EPM2A: variants seen among roughly 807,000 people sequenced by gnomAD.
EPM2A encodes laforin.
A neutral mutation model predicts 26.5 loss-of-function variants in EPM2A; 21 were observed. The ratio of observed to expected loss-of-function variants is 0.79; its 90% CI spans 0.56 to 1.14. The LOEUF is 1.14. Ranked by LOEUF, EPM2A falls within the 50% of genes most tolerant of loss-of-function variation. The probability of loss-of-function intolerance (pLI) is 0.00; values close to 1 mark genes in which losing one functional copy is unlikely to be tolerated. For synonymous variants in EPM2A, 217 were observed against 177.6 expected, an observed-to-expected ratio of 1.22 and a Z score of -1.76; for missense variants, 458 against 440.8, an observed-to-expected ratio of 1.04 and a Z score of -0.35.
intron 2 of EPM2A, among the ~76,000 whole-genome samples, chr6:145,684,243 G>A (rs1780755681): frequency 6.6e-6 from 1 of 152,038 alleles, no homozygotes. Flanking sequence ...AATATAAAAT[G>A]TAAATCCAAG....
rs534533205 is a variant in EPM2A at position 145,510,761 on chromosome 6, T to C, written c.341-8186A>G. Among the ~76,000 whole-genome samples, 5 of 151,860 alleles carry C rather than the reference T, an allele frequency of 3.3e-5. No homozygotes were observed. The South Asian group carries it at 1.0e-3, about 32-fold the overall frequency. On this transcript the variant is annotated intron_variant, in intron 2 of 3. Transcript: ENST00000450221. ...CTAGCAGAACAGAAACAACTAAAAT[T>C]AGAGCAGAACTAAATGAAATTCAGA...
intron 1 of EPM2A, among the ~76,000 whole-genome samples, chr6:145,712,044 C>A (rs1045696249): frequency 6.6e-6 from 1 of 152,078 alleles, no homozygotes; most frequent in African/African-American, 2.4e-5. Context: ...AGCAAGAACA[C>A]ACATCAAATT....
At chr6:145,485,195 T>C (rs906336274) in intron 4 of EPM2A, among the ~76,000 whole-genome samples, 3 of 151,352 alleles carry the variant, frequency 2.0e-5, no homozygotes, top group Non-Finnish European at 2.9e-5. Flanking sequence ...AATAGAAAAA[T>C]GTATAAAGCC....
At chr6:145,470,590 C>T (rs1256049829) in intron 4 of EPM2A, among the ~76,000 whole-genome samples, 1 of 152,064 alleles carries the variant, frequency 6.6e-6, no homozygotes, top group Non-Finnish European at 1.5e-5. Flanking sequence ...AAGAATAATG[C>T]TATTGAAGTA....
chr6:145,515,371 G>A (rs147786643), intron 2 of EPM2A, among the ~76,000 whole-genome samples: 2 of 152,266 alleles, frequency 1.3e-5, no homozygotes, highest in Admixed American at 6.5e-5. Flanking sequence ...GATCAGATTG[G>A]GGCCTCTCTT....
Position 145,708,222 on chromosome 6 carries a change from T to C in EPM2A, c.302-21926A>G, listed in dbSNP as rs552408914. Among the ~76,000 whole-genome samples the C allele has an allele frequency of 2.8e-3, 430 of 152,224 alleles. 1 individual carries two copies. Among genetic ancestry groups the C allele is most frequent in the Non-Finnish European group, 4.7e-3 (317 of 67,996 alleles). The stretch of plus-strand genomic sequence containing the variant: ...GAAAATTTGCAGCCTGATGATGCAA[T>C]AGAAAAGAAAAACGCATTTTCTGGG... On this transcript the variant is annotated intron_variant, in intron 1 of 3. Transcript: ENST00000367519.
chr6:145,391,510 A>C (rs1778336583), intron 4 of EPM2A, among the ~76,000 whole-genome samples: 1 of 152,118 alleles, frequency 6.6e-6, no homozygotes, highest in Non-Finnish European at 1.5e-5. Context: ...GCTTAGACAC[A>C]TGTGCCTGCC....
rs563439868 is a variant in EPM2A, at chr6:145,710,143, T to G, written c.302-23847A>C. Among the ~76,000 whole-genome samples the G allele has an allele frequency of 9.2e-5, 14 of 152,184 alleles. No individual in the cohort carries two copies. In the South Asian group the frequency reaches 1.0e-3, roughly 11 times the overall value. ...GGATCTAATTAAACTAAAGAGCTTC[T>G]GCACAGCAAAAGAAACTACCATCAG... On this transcript the variant is annotated intron_variant, in intron 1 of 3. Transcript: ENST00000367519.
intron 2 of EPM2A, among the ~76,000 whole-genome samples, chr6:145,508,036 T>C (rs1780003593): frequency 6.6e-6 from 1 of 152,112 alleles, no homozygotes; most frequent in African/African-American, 2.4e-5. Context: ...GAGAGGTGCA[T>C]AGCCTGCCAA....
At chr6:145,478,482 C>A (rs988883903) in intron 4 of EPM2A, among the ~76,000 whole-genome samples, 5 of 151,650 alleles carry the variant, frequency 3.3e-5, no homozygotes, top group Admixed American at 3.3e-4. Context: ...CTATCCTAAG[C>A]AAAAAGAACA....
intron 2 of EPM2A, among the ~76,000 whole-genome samples, chr6:145,549,243 A>C (rs1018120927): frequency 2.0e-5 from 3 of 152,274 alleles, no homozygotes; most frequent in African/African-American, 7.2e-5. Context: ...ATGTTAATCT[A>C]TCTGTTAAAG....
chr6:145,682,204 C>T (rs983197353), intron 2 of EPM2A, among the ~76,000 whole-genome samples: 1 of 152,124 alleles, frequency 6.6e-6, no homozygotes, highest in Non-Finnish European at 1.5e-5. Context: ...AAAGAGAGAG[C>T]ATGTGCAGGG....
chr6:145,397,153 C>T (rs182049799), intron 4 of EPM2A, among the ~76,000 whole-genome samples: 43 of 152,226 alleles, frequency 2.8e-4, no homozygotes, highest in African/African-American at 8.7e-4. Context: ...GTTACTGGCT[C>T]GGTTTGGTAG....
At chr6:145,417,142 A>G (rs1256828869) in intron 4 of EPM2A, among the ~76,000 whole-genome samples, 1 of 152,270 alleles carries the variant, frequency 6.6e-6, no homozygotes, top group Non-Finnish European at 1.5e-5. Flanking sequence ...CAGCGATTAG[A>G]TAAGATTCCT....
intron 3 of EPM2A, chr6:145,631,871 T>TCTCTCTCTCTCA (rs750732206): frequency 5.5e-5 from 4 of 72,920 alleles, no homozygotes; most frequent in African/African-American, 1.5e-4. Context: ...TCTCTCTCTC[T>TCTCTCTCTCTCA]CACACACACA....
chr6:145,544,999 T>C (rs1378855226), intron 2 of EPM2A, among the ~76,000 whole-genome samples: 2 of 152,210 alleles, frequency 1.3e-5, no homozygotes, highest in Non-Finnish European at 2.9e-5. Flanking sequence ...TAAAATACCA[T>C]CTTGGCATTG....
chr6:145,717,597 A>C (rs1295279614), intron 1 of EPM2A, among the ~76,000 whole-genome samples: 6 of 152,324 alleles, frequency 3.9e-5, no homozygotes, highest in Non-Finnish European at 8.8e-5. Context: ...TATTCAACAT[A>C]GTGTTGGAAG....
At chr6:145,586,344 C>CT (rs112977639) in intron 2 of EPM2A, among the ~76,000 whole-genome samples, 4,530 of 151,996 alleles carry the variant, frequency 0.03, 88 homozygotes, top group African/African-American at 0.052. Context: ...AATTTAACGT[C>CT]TTTTTTTTAT....
intron 4 of EPM2A, among the ~76,000 whole-genome samples, chr6:145,446,649 T>TTCTC (rs1328848166): frequency 6.6e-6 from 1 of 151,902 alleles, no homozygotes; most frequent in African/African-American, 2.4e-5. Flanking sequence ...GATTACTTTT[T>TTCTC]TCTCTCTCTC....
Sources: gnomAD v4.1 joint callset for allele counts (sites outside exome capture counted in the v4.1 genomes callset) on GRCh38, gnomAD v4.1.1 for gene constraint, MANE v1.5 for transcripts, NCBI Gene and HGNC (gene_info 2026-07-23, HGNC 2026-07-21) for gene names.